Variants in LRRTM4 observed in about 807,000 individuals in gnomAD.
LRRTM4 encodes the protein leucine rich repeat transmembrane neuronal 4.
Under a neutral mutation model 47.6 loss-of-function variants are expected in LRRTM4, and 25 were observed. The observed-to-expected ratio is 0.53, with a 90% CI of 0.38 to 0.73. The LOEUF is 0.73. Ranked by LOEUF, LRRTM4 falls within the 30% of genes least tolerant of loss-of-function variation. The probability of loss-of-function intolerance (pLI) is 0.00; values close to 1 mark genes in which losing one functional copy is unlikely to be tolerated. For missense variants in LRRTM4, 638 were observed against 713.4 expected (o/e 0.89, Z 1.20); for synonymous variants, 311 against 269.5 (o/e 1.15, Z -1.51).
chr2:76,986,192 T>C (rs1676788218), intron 3 of LRRTM4, among the ~76,000 whole-genome samples: 2 of 150,738 alleles, frequency 1.3e-5, no homozygotes, highest in Non-Finnish European at 1.5e-5. Flanking sequence ...TGAATTTTCA[T>C]TGTTTGACTT....
At chr2:77,334,852 C>T (rs1245654676) in intron 3 of LRRTM4, among the ~76,000 whole-genome samples, 1 of 152,190 alleles carries the variant, frequency 6.6e-6, no homozygotes, top group Admixed American at 6.5e-5. Context: ...CTAACCCCCA[C>T]TGGGCAGTTG....
At chr2:76,972,369 CT>C (rs1284976988) in intron 3 of LRRTM4, among the ~76,000 whole-genome samples, 7 of 150,706 alleles carry the variant, frequency 4.6e-5, no homozygotes, top group Non-Finnish European at 7.4e-5. Context: ...CACTCTCTGC[CT>C]TGTGTATATC....
intron 3 of LRRTM4, among the ~76,000 whole-genome samples, chr2:77,399,526 AATAAGTTCAAGAGACCT>A (rs1306511460): frequency 6.6e-6 from 1 of 151,858 alleles, no homozygotes; most frequent in Non-Finnish European, 1.5e-5. Context: ...ACACAGGAGG[AATAAGTTCAAGAGACCT>A]ATTGTACAAT....
At chr2:76,994,316 AT>A (rs1677120514) in intron 3 of LRRTM4, among the ~76,000 whole-genome samples, 1 of 152,020 alleles carries the variant, frequency 6.6e-6, no homozygotes, top group Non-Finnish European at 1.5e-5. Flanking sequence ...TGAGAAAAAA[AT>A]AAAATAAAAT....
chr2:76,759,401 G>A (rs1673172604), intron 3 of LRRTM4, among the ~76,000 whole-genome samples: 1 of 152,154 alleles, frequency 6.6e-6, no homozygotes, highest in Non-Finnish European at 1.5e-5. Context: ...TCAGTTGGGA[G>A]TGCTGAAGTT....
chr2:77,063,508 G>A (rs1268357979), intron 3 of LRRTM4, among the ~76,000 whole-genome samples: 2 of 152,040 alleles, frequency 1.3e-5, no homozygotes, highest in African/African-American at 4.8e-5. Context: ...GAAAAATAGA[G>A]CTTTTTTTAA....
intron 3 of LRRTM4, among the ~76,000 whole-genome samples, chr2:77,181,218 A>G (rs1673339194): frequency 1.3e-5 from 2 of 152,130 alleles, no homozygotes; most frequent in African/African-American, 2.4e-5. Context: ...AAAATACCAC[A>G]TGGATATAAC....
intron 3 of LRRTM4, among the ~76,000 whole-genome samples, chr2:77,432,707 T>C (rs550886472): frequency 6.6e-6 from 1 of 152,292 alleles, no homozygotes; most frequent in African/African-American, 2.4e-5. Flanking sequence ...CAGACACATA[T>C]GCATGTATAT....
At chr2:77,205,805 A>C (rs1674107515) in intron 3 of LRRTM4, among the ~76,000 whole-genome samples, 1 of 152,162 alleles carries the variant, frequency 6.6e-6, no homozygotes, top group Admixed American at 6.5e-5. Flanking sequence ...TATCAACTTC[A>C]GACATCATTA....
chr2:77,173,571 C>T (rs904402190), intron 3 of LRRTM4, among the ~76,000 whole-genome samples: 1 of 152,272 alleles, frequency 6.6e-6, no homozygotes, highest in Non-Finnish European at 1.5e-5. Flanking sequence ...AACCAAAAAT[C>T]TACGTCACTC....
intron 3 of LRRTM4, among the ~76,000 whole-genome samples, chr2:76,914,569 G>T (rs935277726): frequency 6.6e-6 from 1 of 152,084 alleles, no homozygotes; most frequent in Non-Finnish European, 1.5e-5. Flanking sequence ...TTGTCATATT[G>T]TGTCAACTTA....
intron 3 of LRRTM4, among the ~76,000 whole-genome samples, chr2:77,003,250 A>G (rs1677502754): frequency 1.3e-5 from 2 of 151,730 alleles, no homozygotes. Context: ...TTTTATAATT[A>G]TAGATTCTAT....
At chr2:77,139,724 C>G (rs1407633900) in intron 3 of LRRTM4, among the ~76,000 whole-genome samples, 1 of 151,982 alleles carries the variant, frequency 6.6e-6, no homozygotes, top group Non-Finnish European at 1.5e-5. Flanking sequence ...TTTAGAAAAC[C>G]CTATCGTCTC....
At chr2:76,900,257 C>T (rs1413938802) in intron 3 of LRRTM4, among the ~76,000 whole-genome samples, 2 of 151,808 alleles carry the variant, frequency 1.3e-5, no homozygotes, top group East Asian at 3.9e-4. Context: ...AAAACCAAAA[C>T]CAAAAACAAA....
intron 3 of LRRTM4, among the ~76,000 whole-genome samples, chr2:77,100,231 A>C (rs1392272812): frequency 6.6e-6 from 1 of 152,176 alleles, no homozygotes; most frequent in Non-Finnish European, 1.5e-5. Flanking sequence ...GGGTTGAGAA[A>C]TTTATTTTAC....
intron 3 of LRRTM4, among the ~76,000 whole-genome samples, chr2:76,811,167 G>T (rs1422382180): frequency 6.6e-6 from 1 of 152,092 alleles, no homozygotes; most frequent in South Asian, 2.1e-4. Flanking sequence ...ACTTCTTTCT[G>T]TTAAGGCTTT....
At chr2:77,001,632 C>T (rs1206676732) in intron 3 of LRRTM4, among the ~76,000 whole-genome samples, 1 of 152,106 alleles carries the variant, frequency 6.6e-6, no homozygotes, top group Non-Finnish European at 1.5e-5. Flanking sequence ...TTTTCTATAT[C>T]TACATTCACT....
At chr2:76,787,169 T>G (rs1204738920) in intron 3 of LRRTM4, among the ~76,000 whole-genome samples, 1 of 151,904 alleles carries the variant, frequency 6.6e-6, no homozygotes, top group African/African-American at 2.4e-5. Flanking sequence ...AAAATACATC[T>G]CTAATGGAAA....
At chr2:77,421,681 T>A (rs1674896425) in intron 3 of LRRTM4, among the ~76,000 whole-genome samples, 2 of 151,188 alleles carry the variant, frequency 1.3e-5, no homozygotes, top group Admixed American at 1.3e-4. Flanking sequence ...CACTCCAGCC[T>A]GGGCGGCAGA....
Sources: allele counts gnomAD v4.1 joint callset (sites outside exome capture counted in the v4.1 genomes callset), GRCh38; gene constraint gnomAD v4.1.1; transcripts MANE v1.5; gene names NCBI Gene and HGNC (gene_info 2026-07-23, HGNC 2026-07-21).